Variants in SRGAP2 observed in about 807,000 individuals in gnomAD.
SRGAP2 encodes SLIT-ROBO Rho GTPase-activating protein 2.
SRGAP2 carries 15 observed loss-of-function variants against 57.2 expected under a neutral mutation model. The ratio of observed to expected loss-of-function variants is 0.26; its 90% CI spans 0.18 to 0.40. SRGAP2 has a LOEUF of 0.40. SRGAP2 is among the 10% of genes least tolerant of loss of function. The pLI, the probability that SRGAP2 is intolerant of heterozygous loss-of-function variation, is 1.00. For synonymous variants in SRGAP2, 249 were observed against 248.0 expected (o/e 1.00, Z -0.04); for missense variants, 520 against 669.6 (o/e 0.78, Z 2.47).
intron 2 of SRGAP2, among the ~76,000 whole-genome samples, chr1:206,220,867 G>A (rs1317095325): frequency 2.0e-5 from 3 of 151,442 alleles, no homozygotes; most frequent in African/African-American, 7.3e-5. Context: ...CCAGTGTTGG[G>A]ACACTTTGTA....
chr1:206,322,984 A>T (rs1553328249), intron 3 of SRGAP2, among the ~76,000 whole-genome samples: 1 of 151,086 alleles, frequency 6.6e-6, no homozygotes, highest in African/African-American at 2.5e-5. Flanking sequence ...TCTCTCAGGA[A>T]CTAATCCAGT....
At chr1:206,412,492 C>T (rs1391294552) in intron 10 of SRGAP2, among the ~76,000 whole-genome samples, 1 of 152,120 alleles carries the variant, frequency 6.6e-6, no homozygotes, top group Non-Finnish European at 1.5e-5. Context: ...GAGGAAAACC[C>T]CAGGTAGCCA....
chr1:206,449,904 GTA>G (rs1663118254), intron 18 of SRGAP2, among the ~76,000 whole-genome samples: 1 of 152,194 alleles, frequency 6.6e-6, no homozygotes, highest in African/African-American at 2.4e-5. Flanking sequence ...TTTATCTTCA[GTA>G]TATAGATGAG....
chr1:206,393,744 G>C (rs1553352303), intron 7 of SRGAP2, 71 bp downstream of exon 7: 1 of 546,590 alleles, frequency 1.8e-6, no homozygotes, highest in Non-Finnish European at 3.4e-6. Context: ...GACATTCCCC[G>C]ATACTATTGT....
chr1:206,421,347 C>T (rs911769884), intron 13 of SRGAP2, 73 bp downstream of exon 13: 29 of 713,112 alleles, frequency 4.1e-5, no homozygotes, highest in Non-Finnish European at 7.0e-5. Flanking sequence ...TATTGAGCGC[C>T]ACTGTGTGCA....
At chr1:206,253,062 T>G (rs1247310238) in intron 2 of SRGAP2, among the ~76,000 whole-genome samples, 2 of 145,352 alleles carry the variant, frequency 1.4e-5, no homozygotes, top group African/African-American at 5.2e-5. Flanking sequence ...CTTAATACTT[T>G]CCCAGCTGGT....
chr1:206,375,738 C>T (rs1553344350), intron 4 of SRGAP2, among the ~76,000 whole-genome samples: 1 of 151,994 alleles, frequency 6.6e-6, no homozygotes, highest in Non-Finnish European at 1.5e-5. Flanking sequence ...TATGCCTGTC[C>T]CTGACAAGAG....
intron 10 of SRGAP2, among the ~76,000 whole-genome samples, chr1:206,413,644 T>A (rs1312761477): frequency 6.6e-6 from 1 of 152,110 alleles, no homozygotes; most frequent in Non-Finnish European, 1.5e-5. Context: ...CAGAGGAGAG[T>A]GAGACTGCTC....
chr1:206,451,859 CT>C (rs1663342555), intron 19 of SRGAP2, among the ~76,000 whole-genome samples: 1 of 152,214 alleles, frequency 6.6e-6, no homozygotes, highest in Non-Finnish European at 1.5e-5. Context: ...TTAGACAGGC[CT>C]TCTCTGACCA....
At chr1:206,286,367 A>G (rs1353856226) in intron 2 of SRGAP2, among the ~76,000 whole-genome samples, 2 of 152,148 alleles carry the variant, frequency 1.3e-5, no homozygotes, top group Non-Finnish European at 2.9e-5. Context: ...TTTTTTTTAA[A>G]AAGTAAATAC....
intron 2 of SRGAP2, among the ~76,000 whole-genome samples, chr1:206,302,485 T>C (rs1386170453): frequency 2.7e-5 from 4 of 150,906 alleles, no homozygotes; most frequent in African/African-American, 9.7e-5. Context: ...TATGACACTA[T>C]AGAGGCACTA....
At chr1:206,453,456 T>C (rs186578905) in intron 20 of SRGAP2, 76 bp downstream of exon 20, 186 of 494,890 alleles carry the variant, frequency 3.8e-4, no homozygotes, top group African/African-American at 3.4e-3. Context: ...TCTGGAGCCA[T>C]AGGACTATGA....
chr1:206,440,553 C>CTT (rs577791413), intron 17 of SRGAP2, among the ~76,000 whole-genome samples: 4 of 144,332 alleles, frequency 2.8e-5, no homozygotes, highest in Admixed American at 7.0e-5. Context: ...AGAAGATTTT[C>CTT]TTTTTTTTTT....
intron 3 of SRGAP2, among the ~76,000 whole-genome samples, chr1:206,305,716 G>C (rs1195398186): frequency 2.7e-4 from 41 of 150,260 alleles, no homozygotes; most frequent in Non-Finnish European, 2.9e-4. Flanking sequence ...AGTGCCAAGT[G>C]TATCTTATTT....
chr1:206,409,995 G>A (rs1237136211), intron 10 of SRGAP2, among the ~76,000 whole-genome samples: 2 of 152,168 alleles, frequency 1.3e-5, no homozygotes, highest in Non-Finnish European at 2.9e-5. Context: ...CAGCTACTCA[G>A]GAGGCTGAGG....
intron 10 of SRGAP2, among the ~76,000 whole-genome samples, chr1:206,414,900 A>G (rs1659551788): frequency 6.6e-6 from 1 of 152,226 alleles, no homozygotes; most frequent in Admixed American, 6.5e-5. Flanking sequence ...CATTAATACT[A>G]CAAAATTTAG....
intron 4 of SRGAP2, among the ~76,000 whole-genome samples, chr1:206,357,693 C>T (rs1368270004): frequency 1.3e-5 from 2 of 149,610 alleles, no homozygotes; most frequent in African/African-American, 2.5e-5. Flanking sequence ...AAGTGATTCT[C>T]GTGCCTCAGC....
At chr1:206,423,949 A>ATTTTTTTTTT (rs782243765) in intron 13 of SRGAP2, among the ~76,000 whole-genome samples, 14 of 87,722 alleles carry the variant, frequency 1.6e-4, no homozygotes, top group African/African-American at 2.1e-4. Flanking sequence ...TAATTTATGT[A>ATTTTTTTTTT]TTTTTTTTTT....
chr1:206,444,783 G>A (rs181596677), intron 17 of SRGAP2, among the ~76,000 whole-genome samples: 1 of 152,344 alleles, frequency 6.6e-6, no homozygotes, highest in East Asian at 1.9e-4. Flanking sequence ...AAGAACTCCT[G>A]TGAAGCAATC....
Sources: gnomAD v4.1 joint callset for allele counts (sites outside exome capture counted in the v4.1 genomes callset) on GRCh38, gnomAD v4.1.1 for gene constraint, MANE v1.5 for transcripts, NCBI Gene and HGNC (gene_info 2026-07-23, HGNC 2026-07-21) for gene names.